The following CNTN5 variants were observed in gnomAD, a reference collection of about 807,000 sequenced individuals.
The protein encoded by CNTN5 is contactin-5.
Under a neutral mutation model 129.1 loss-of-function variants are expected in CNTN5, and 77 were observed. The observed-to-expected ratio is 0.60, with a 90% CI of 0.50 to 0.72. CNTN5 has a LOEUF of 0.72. Ranked by LOEUF, CNTN5 falls within the 30% of genes least tolerant of loss-of-function variation. CNTN5 has a pLI of 0.00. For missense variants in CNTN5, 1,478 were observed against 1,328.8 expected (o/e 1.11, Z -1.75); for synonymous variants, 509 against 465.6 (o/e 1.09, Z -1.20).
intron 21 of CNTN5, chr11:100,309,262 T>C: frequency 1.0e-6 from 1 of 984,180 alleles, no homozygotes; most frequent in Non-Finnish European, 1.2e-6. Context: ...TAAGAGAAAA[T>C]CATCTTGTGT....
chr11:99,774,528 T>C (rs1419408843), intron 3 of CNTN5, among the ~76,000 whole-genome samples: 2 of 151,928 alleles, frequency 1.3e-5, no homozygotes, highest in East Asian at 3.9e-4. Flanking sequence ...CAGAAACAAG[T>C]TAAAAACAGA....
chr11:99,281,113 A>C (rs1565459401), intron 1 of CNTN5, among the ~76,000 whole-genome samples: 1 of 151,910 alleles, frequency 6.6e-6, no homozygotes, highest in Non-Finnish European at 1.5e-5. Flanking sequence ...AGATAACAAG[A>C]AAATGTCAAA....
intron 1 of CNTN5, among the ~76,000 whole-genome samples, chr11:99,158,556 A>T (rs1429877286): frequency 6.6e-6 from 1 of 152,202 alleles, no homozygotes; most frequent in Non-Finnish European, 1.5e-5. Flanking sequence ...TGCATATAAC[A>T]AAGGAAACCC....
chr11:100,000,020 GC>G (rs1195853158), intron 8 of CNTN5, among the ~76,000 whole-genome samples: 4 of 149,370 alleles, frequency 2.7e-5, no homozygotes, highest in African/African-American at 7.4e-5. Context: ...GGTGTGGGGA[GC>G]GGGGAGGGAT....
At chr11:99,781,962 G>A (rs937291784) in intron 3 of CNTN5, among the ~76,000 whole-genome samples, 2 of 151,768 alleles carry the variant, frequency 1.3e-5, no homozygotes, top group African/African-American at 4.8e-5. Flanking sequence ...ACATAGTGTT[G>A]GAAGTTCTGG....
intron 13 of CNTN5, among the ~76,000 whole-genome samples, chr11:100,173,231 T>C (rs1303763948): frequency 2.6e-5 from 4 of 152,038 alleles, no homozygotes; most frequent in African/African-American, 9.7e-5. Context: ...CCCCTTTACA[T>C]ATGAGAATAT....
At chr11:99,092,384 C>A (rs1167294492) in intron 1 of CNTN5, among the ~76,000 whole-genome samples, 1 of 151,976 alleles carries the variant, frequency 6.6e-6, no homozygotes. Context: ...TTATATATGA[C>A]AACAGTAGTT....
In CNTN5 at chr11:99,133,915, G is replaced by A. The variant is rs145209760; in HGVS notation, c.-210+112645G>A. On this transcript the variant is annotated intron_variant, in intron 1 of 24. Transcript: ENST00000524871. ...AGCAATCCCATTAGTGGGTATATAC[G>A]CAAAGGAATATAAATCATTCTATTA... 8.5e-3 allele frequency among the ~76,000 whole-genome samples: 1,290 copies of A among 152,122 alleles called. 22 individuals carry two copies. Among genetic ancestry groups the A allele is most frequent in the African/African-American group, 0.029 (1,194 of 41,480 alleles).
chr11:99,503,111 G>A (rs1946486573), intron 2 of CNTN5, among the ~76,000 whole-genome samples: 1 of 151,976 alleles, frequency 6.6e-6, no homozygotes, highest in African/African-American at 2.4e-5. Context: ...CTTGCAGTTT[G>A]ACAAATATGG....
chr11:100,286,173 T>C (rs1382019722), intron 18 of CNTN5, among the ~76,000 whole-genome samples: 2 of 151,774 alleles, frequency 1.3e-5, no homozygotes, highest in Non-Finnish European at 2.9e-5. Flanking sequence ...GCAGCCAGGC[T>C]GGGGGAGGGG....
chr11:99,381,033 C>T (rs970573982), intron 2 of CNTN5, among the ~76,000 whole-genome samples: 1 of 151,932 alleles, frequency 6.6e-6, no homozygotes, highest in African/African-American at 2.4e-5. Flanking sequence ...GATAGGACTC[C>T]AACATTTGAG....
At chr11:99,829,587 A>G (rs571378709) in intron 4 of CNTN5, among the ~76,000 whole-genome samples, 1 of 152,316 alleles carries the variant, frequency 6.6e-6, no homozygotes, top group African/African-American at 2.4e-5. Context: ...AGTCCTCAGT[A>G]TCTACTCTGT....
chr11:100,288,915 G>T (rs373661551), intron 18 of CNTN5, among the ~76,000 whole-genome samples: 3,166 of 151,896 alleles, frequency 0.021, 22 homozygotes, highest in Non-Finnish European at 0.03. Flanking sequence ...AATAAAAAAT[G>T]ATAAAGGAGA....
At chr11:99,824,165 G>A (rs758844296) in intron 4 of CNTN5, among the ~76,000 whole-genome samples, 2 of 151,906 alleles carry the variant, frequency 1.3e-5, no homozygotes, top group African/African-American at 2.4e-5. Context: ...TTTTAGGAGT[G>A]CAATTTTTAT....
intron 3 of CNTN5, among the ~76,000 whole-genome samples, chr11:99,566,645 A>G (rs1949015611): frequency 6.6e-6 from 1 of 152,218 alleles, no homozygotes; most frequent in Non-Finnish European, 1.5e-5. Context: ...TTTGCAGAAA[A>G]GGGTTATGTA....
chr11:100,350,787 G>C lies in CNTN5; in HGVS notation c.3116G>C (p.Gly1039Ala), dbSNP rs750623368. 5 of 1,608,932 alleles carry C rather than the reference G, an allele frequency of 3.1e-6. No homozygotes were observed. The African/African-American group carries it at 6.7e-5, about 22-fold the overall frequency. Residue 1039 changes from glycine (G) to alanine (A), a missense_variant, in exon 24 of 25, where the codon GGA becomes GCA. Transcript: ENST00000524871. ...LQAVVPLPDA[G>A]VYIIEVRAYS... ...GCAGTAGTACCACTCCCAGATGCTG[G>C]AGTCTATATTATTGAAGTTCGAGCA...
intron 2 of CNTN5, among the ~76,000 whole-genome samples, chr11:99,403,343 T>G (rs1419559120): frequency 6.6e-6 from 1 of 152,182 alleles, no homozygotes; most frequent in African/African-American, 2.4e-5. Flanking sequence ...ATTGATCTTT[T>G]GTATTATTTT....
intron 3 of CNTN5, among the ~76,000 whole-genome samples, chr11:99,614,318 T>C (rs550119981): frequency 6.6e-6 from 1 of 152,310 alleles, no homozygotes; most frequent in African/African-American, 2.4e-5. Context: ...ATAATAACAG[T>C]GAAACAATCC....
chr11:99,461,358 T>C (rs1464984180), intron 2 of CNTN5, among the ~76,000 whole-genome samples: 1 of 152,108 alleles, frequency 6.6e-6, no homozygotes, highest in African/African-American at 2.4e-5. Flanking sequence ...GGTTTTCTCC[T>C]ACTAAACATC....
Sources: gnomAD v4.1 joint callset for allele counts (sites outside exome capture counted in the v4.1 genomes callset) on GRCh38, gnomAD v4.1.1 for gene constraint, MANE v1.5 for transcripts, NCBI Gene and HGNC (gene_info 2026-07-23, HGNC 2026-07-21) for gene names.